The following TAC4 variants were observed in gnomAD, a reference collection of about 807,000 sequenced individuals.
TAC4 encodes the protein tachykinin precursor 4, also known as tachykinin-4.
TAC4 carries 17 observed loss-of-function variants against 17.7 expected under a neutral mutation model. The ratio of observed to expected loss-of-function variants is 0.96; its 90% CI spans 0.66 to 1.44. The LOEUF (loss-of-function observed/expected upper bound fraction) is 1.44. Among genes scored for constraint, TAC4 ranks in the 40% most tolerant of loss-of-function variants. The pLI is 0.00. For synonymous variants in TAC4, 62 were observed against 52.4 expected, an observed-to-expected ratio of 1.18 and a Z score of -0.79; for missense variants, 118 against 125.6, an observed-to-expected ratio of 0.94 and a Z score of 0.29.
At chr17:49,839,585 C>T (rs1283481702) in intron 4 of TAC4, among the ~76,000 whole-genome samples, 1 of 152,184 alleles carries the variant, frequency 6.6e-6, no homozygotes, top group African/African-American at 2.4e-5. Context: ...CCTGTGGTTT[C>T]AGCTGGCCCT....
At position 49,838,463 on chromosome 17, in the gene TAC4, C is replaced by A. The variant is rs2074472487; in HGVS notation, c.*179G>T. The A allele has an allele frequency of 1.4e-6, 1 of 732,668 alleles. No individual in the cohort carries two copies. Among genetic ancestry groups the A allele is most frequent in the Admixed American group, 2.6e-5 (1 of 38,016 alleles). The allele number at this position is 732,668 out of a possible 1,614,324, so 45.4% of individuals were successfully genotyped here. A position where few individuals can be genotyped will look rare whatever the true frequency, so the allele number is the denominator to read the frequency against. On this transcript the variant is annotated 3_prime_UTR_variant, in exon 5 of 5. Coordinates refer to ENST00000436235, the MANE Select transcript of TAC4 (RefSeq NM_001077506.2). ...GAAGCTGTGCATTTATGCAGGACTG[C>A]TGCTTGACACTGAGAGTCCAGGAAG...
chr17:49,841,990 G>A (rs548473778), intron 2 of TAC4, among the ~76,000 whole-genome samples: 13 of 133,870 alleles, frequency 9.7e-5, no homozygotes, highest in Non-Finnish European at 1.8e-4. Context: ...TGCAAGCTCC[G>A]CCTCCCAGGT....
chr17:49,838,441 G>A lies in TAC4; in HGVS notation c.*201C>T. ...AGTCAGTGCAGCTTGCTACGGCGAA[G>A]CTGTGCATTTATGCAGGACTGCTGC... On this transcript the variant is annotated 3_prime_UTR_variant, in exon 5 of 5. Transcript: ENST00000436235. The A allele has an allele frequency of 1.5e-6, 1 of 672,426 alleles. No individual in the cohort carries two copies. Among genetic ancestry groups the A allele is most frequent in the Non-Finnish European group, 2.6e-6 (1 of 378,398 alleles). 41.7% of individuals were successfully genotyped at this position (672,426 alleles called of 1,614,324 possible). A position where few individuals can be genotyped will look rare whatever the true frequency, so the allele number is the denominator to read the frequency against.
chr17:49,847,240 A>T (rs1386242515), intron 1 of TAC4: 18 of 1,289,558 alleles, frequency 1.4e-5, no homozygotes, highest in South Asian at 1.1e-4. Context: ...CCTCTTATTT[A>T]CCCGTCTTTG....
rs1052857147 is a variant in TAC4, at chr17:49,844,047, T to C, written c.199+17A>G. 1 of 1,612,216 alleles carries C rather than the reference T, an allele frequency of 6.2e-7. No homozygotes were observed. The highest frequency in any genetic ancestry group is 1.3e-5 in the African/African-American group (1 of 74,974). ...CAGAACCCCTGCTTGCTGGGCTCCA[T>C]TGTCATTGTCACTCACCTCCCACTC... On this transcript the variant is annotated intron_variant, in intron 2 of 4. Coordinates refer to ENST00000436235, the MANE Select transcript of TAC4 (RefSeq NM_001077506.2).
At chr17:49,844,417 A>C (rs1483589469) in intron 1 of TAC4, among the ~76,000 whole-genome samples, 5 of 152,110 alleles carry the variant, frequency 3.3e-5, no homozygotes, top group Non-Finnish European at 7.4e-5. Flanking sequence ...CAGTACCCTA[A>C]GTACTGTTAC....
intron 1 of TAC4, among the ~76,000 whole-genome samples, chr17:49,844,508 G>A (rs1156450420): frequency 6.6e-6 from 1 of 151,288 alleles, no homozygotes. Flanking sequence ...CTGTAATCCC[G>A]GCACTCTGGG....
At chr17:49,841,497 G>T (rs1970438324) in intron 3 of TAC4, 55 bp downstream of exon 3, 1 of 1,509,956 alleles carries the variant, frequency 6.6e-7, no homozygotes, top group Admixed American at 2.2e-5. Context: ...TTGTGCTGAG[G>T]ACAACTCAGC....
chr17:49,841,244 C>CTTT (rs745671170), intron 3 of TAC4, among the ~76,000 whole-genome samples: 16 of 110,340 alleles, frequency 1.5e-4, no homozygotes, highest in African/African-American at 3.0e-4. Context: ...TAGTGGTTGA[C>CTTT]TTTTTTTTTT....
At chr17:49,844,451 C>T (rs1265036748) in intron 1 of TAC4, among the ~76,000 whole-genome samples, 4 of 151,830 alleles carry the variant, frequency 2.6e-5, no homozygotes, top group African/African-American at 4.8e-5. Flanking sequence ...ATGAAAACAC[C>T]GAGACACAGG....
At chr17:49,845,956 T>C (rs1018796785) in intron 1 of TAC4, 8 of 230,840 alleles carry the variant, frequency 3.5e-5, no homozygotes, top group Admixed American at 5.8e-5. Flanking sequence ...AAAAGTCTCT[T>C]TGGGGATTTG....
intron 2 of TAC4, among the ~76,000 whole-genome samples, chr17:49,842,281 A>G (rs1328271616): frequency 1.3e-5 from 2 of 152,128 alleles, no homozygotes; most frequent in South Asian, 4.2e-4. Context: ...CTGTAATCCC[A>G]GCACTTTGGG....
At position 49,848,004 on chromosome 17, in the gene TAC4, A is replaced by G; in HGVS notation, c.14T>C (p.Leu5Pro). 6.2e-7 allele frequency: 1 copy of G among 1,614,174 alleles called. No individual in the cohort carries two copies. Among genetic ancestry groups the G allele is most frequent in the African/African-American group, 1.3e-5 (1 of 75,060 alleles). The part of the protein sequence containing the change: MLPC[L>P]ALLLLMELSV... Reference sequence around the variant, plus strand: ...CAGCTCCATCAGGAGAAGCAGGGCGAGGCAAGGCAGCATGGTGAGCCTGCA... The same window carrying G: ...CAGCTCCATCAGGAGAAGCAGGGCGGGGCAAGGCAGCATGGTGAGCCTGCA... Residue 5 changes from leucine to proline, a missense_variant, in exon 1 of 5, where the codon CTC (leucine) becomes CCC (proline). By Grantham distance (98) the Leu-to-Pro change is moderately conservative (BLOSUM62 -3). Transcript: ENST00000436235.
chr17:49,840,025 C>T (rs552699826), intron 3 of TAC4, 116 bp from the exon 4 acceptor site: 3 of 857,416 alleles, frequency 3.5e-6, no homozygotes, highest in African/African-American at 1.7e-5. Context: ...GGGCTGGGGC[C>T]TTGCAAATGG....
At chr17:49,847,767 A>G (rs1423026623) in intron 1 of TAC4, 146 bp downstream of exon 1, 66 of 1,394,206 alleles carry the variant, frequency 4.7e-5, no homozygotes, top group Non-Finnish European at 6.2e-5. Context: ...CCTTGAATCT[A>G]CCCATGGTAG....
chr17:49,845,515 G>A (rs2074531169), intron 1 of TAC4, among the ~76,000 whole-genome samples: 1 of 152,202 alleles, frequency 6.6e-6, no homozygotes, highest in African/African-American at 2.4e-5. Flanking sequence ...ACACATAGGA[G>A]CCCAGCACAC....
At chr17:49,841,321 C>A (rs1231412386) in intron 3 of TAC4, among the ~76,000 whole-genome samples, 3 of 150,254 alleles carry the variant, frequency 2.0e-5, no homozygotes, top group African/African-American at 7.4e-5. Context: ...GAACTAGATC[C>A]ATCACTGTCT....
chr17:49,843,047 C>A (rs1465494920), intron 2 of TAC4, among the ~76,000 whole-genome samples: 14 of 152,180 alleles, frequency 9.2e-5, no homozygotes, highest in Admixed American at 9.2e-4. Context: ...CTATTACAAG[C>A]ATGTTGGCAG....
chr17:49,838,688 G>A lies in TAC4; in HGVS notation c.293-15C>T, dbSNP rs1206799088. On this transcript the variant is annotated splice_polypyrimidine_tract_variant and intron_variant, in intron 4 of 4. Coordinates refer to ENST00000436235, the MANE Select transcript of TAC4 (RefSeq NM_001077506.2). ...ATCCTCTCTGCCTGGGGAGAGTTTG[G>A]TATATGAACCATGGTTAGTCGGGGG... The A allele has an allele frequency of 6.2e-7, 1 of 1,611,800 alleles. No homozygotes were observed. Among genetic ancestry groups the A allele is most frequent in the Non-Finnish European group, 8.5e-7 (1 of 1,179,172 alleles).
Sources: allele counts gnomAD v4.1 joint callset (sites outside exome capture counted in the v4.1 genomes callset), GRCh38; gene constraint gnomAD v4.1.1; transcripts MANE v1.5; gene names NCBI Gene and HGNC (gene_info 2026-07-23, HGNC 2026-07-21).